PPIP5K2: variants seen among roughly 807,000 people sequenced by gnomAD.
PPIP5K2 encodes the protein inositol hexakisphosphate and diphosphoinositol-pentakisphosphate kinase 2.
A neutral mutation model predicts 154.6 loss-of-function variants in PPIP5K2; 105 were observed. That is an observed-to-expected ratio of 0.68 (90% CI 0.58 to 0.80). PPIP5K2 has a LOEUF of 0.80. Ranked by LOEUF, PPIP5K2 falls within the 30% of genes least tolerant of loss-of-function variation. The probability of loss-of-function intolerance (pLI) is 0.00; values close to 1 mark genes in which losing one functional copy is unlikely to be tolerated. For synonymous variants in PPIP5K2, 480 were observed against 490.3 expected (o/e 0.98, Z 0.28); for missense variants, 992 against 1,504.6 (o/e 0.66, Z 5.64).
At chr5:103,198,203 A>T (rs1802423231) in intron 30 of PPIP5K2, among the ~76,000 whole-genome samples, 1 of 151,952 alleles carries the variant, frequency 6.6e-6, no homozygotes, top group South Asian at 2.1e-4. Context: ...TATTGTTTTT[A>T]ATCAATTTCT....
At chr5:103,123,031 C>T (rs1369851392) in intron 1 of PPIP5K2, among the ~76,000 whole-genome samples, 3 of 152,148 alleles carry the variant, frequency 2.0e-5, no homozygotes, top group South Asian at 2.1e-4. Context: ...CAGTGGCAAA[C>T]GGGAGTTTCT....
chr5:103,147,268 T>C (rs1554209496), intron 6 of PPIP5K2, among the ~76,000 whole-genome samples: 2 of 151,866 alleles, frequency 1.3e-5, no homozygotes, highest in African/African-American at 2.4e-5. Flanking sequence ...GCAATTCAAA[T>C]TAAGAACACA....
At chr5:103,172,671 T>C (rs2149699675) in intron 19 of PPIP5K2, among the ~76,000 whole-genome samples, 1 of 151,970 alleles carries the variant, frequency 6.6e-6, no homozygotes, top group East Asian at 1.9e-4. Flanking sequence ...TTTCATGGAA[T>C]CTTTGCTCAC....
intron 2 of PPIP5K2, among the ~76,000 whole-genome samples, chr5:103,131,807 G>A (rs1176947289): frequency 2.6e-5 from 4 of 152,028 alleles, no homozygotes; most frequent in African/African-American, 9.7e-5. Context: ...TTATCTTCAT[G>A]ATTTTAAGGT....
chr5:103,197,900 T>G (rs1191966997), intron 30 of PPIP5K2, among the ~76,000 whole-genome samples: 1 of 151,776 alleles, frequency 6.6e-6, no homozygotes. Context: ...TTTTAAAAAA[T>G]TATTTTAAAT....
At chr5:103,187,454 G>A in intron 28 of PPIP5K2, 78 bp downstream of exon 28, 4 of 1,122,168 alleles carry the variant, frequency 3.6e-6, no homozygotes, top group Non-Finnish European at 3.8e-6. Flanking sequence ...AAAATGTGGG[G>A]TATACAGTAT....
At chr5:103,191,221 C>T (rs1341926346) in intron 29 of PPIP5K2, among the ~76,000 whole-genome samples, 2 of 151,748 alleles carry the variant, frequency 1.3e-5, no homozygotes, top group African/African-American at 4.8e-5. Context: ...AAACCAATAG[C>T]AGTAGAAGTC....
intron 24 of PPIP5K2, 60 bp downstream of exon 24, chr5:103,180,248 C>A: frequency 2.2e-6 from 3 of 1,362,392 alleles, no homozygotes; most frequent in South Asian, 1.7e-5. Flanking sequence ...TTTAATAAAA[C>A]AGAAAAGAAA....
intron 19 of PPIP5K2, among the ~76,000 whole-genome samples, chr5:103,171,975 G>A (rs1554219660): frequency 6.6e-6 from 1 of 151,408 alleles, no homozygotes; most frequent in South Asian, 2.1e-4. Flanking sequence ...TGGAAATCTA[G>A]ACTTTTAAAA....
intron 20 of PPIP5K2, 121 bp from the exon 21 acceptor site, chr5:103,173,737 A>T: frequency 1.4e-6 from 1 of 701,082 alleles, no homozygotes; most frequent in Non-Finnish European, 2.4e-6. Flanking sequence ...TGGAAGAATA[A>T]TAGATTTTTG....
intron 14 of PPIP5K2, among the ~76,000 whole-genome samples, 169 bp downstream of exon 14, chr5:103,156,163 A>G (rs1795380935): frequency 6.6e-6 from 1 of 152,216 alleles, no homozygotes; most frequent in Admixed American, 6.5e-5. Context: ...TAAAGGATAC[A>G]ATTTTAAAAT....
At chr5:103,174,088 T>TGTC (rs1798362983) in intron 21 of PPIP5K2, 116 bp downstream of exon 21, 1 of 791,066 alleles carries the variant, frequency 1.3e-6, no homozygotes, top group Non-Finnish European at 2.0e-6. Flanking sequence ...TACTACTTAA[T>TGTC]GTCGTCTTTC....
In PPIP5K2 at chr5:103,195,032, G is replaced by GGT. The variant is rs558887952; in HGVS notation, c.3619+16_3619+17dup. 6,185 of 1,606,668 alleles carry GGT rather than the reference G, an allele frequency of 3.8e-3. 19 individuals are homozygous for GGT. Among genetic ancestry groups the GGT allele is most frequent in the Non-Finnish European group, 4.9e-3 (5,817 of 1,177,944 alleles). ...AAAGCAAGCAGCAAACCAGGTAAGG[G>GGT]GTGTGTGTGTTGAGTTTGTGGATTT... On this transcript the variant is annotated splice_region_variant and intron_variant, in intron 30 of 30. Coordinates refer to ENST00000358359, the MANE Select transcript of PPIP5K2 (RefSeq NM_001276277.3).
At chr5:103,143,798 A>G (rs1793259892) in intron 5 of PPIP5K2, among the ~76,000 whole-genome samples, 1 of 141,526 alleles carries the variant, frequency 7.1e-6, no homozygotes, top group African/African-American at 2.5e-5. Context: ...ATGTGATAAA[A>G]GCGCTATATG....
Position 103,186,437 on chromosome 5 carries a change from A to T in PPIP5K2, c.3287A>T (p.Asp1096Val). The change falls in exon 27 of 31, where the codon GAT becomes GTT. Residue 1096 changes from aspartate to valine, a missense_variant and splice_region_variant. Asp to Val is a radical substitution (Grantham distance 152). This residue lies in a region of PPIP5K2 where 204 missense variants were observed against 224.0 expected (regional missense o/e 0.91). Transcript: ENST00000358359. ...AAGCTGACCTCTTCTGGCTGCATAG[A>T]TGGTATGTGCACACATGCACACACA... is the stretch of plus-strand genomic sequence containing the variant. The part of the protein sequence containing the change: ...RKKLTSSGCI[D>V]DATRGSAVKR... The T allele has an allele frequency of 2.5e-6, 4 of 1,613,830 alleles. No homozygotes were observed. Among genetic ancestry groups the T allele is most frequent in the Non-Finnish European group, 3.4e-6 (4 of 1,179,794 alleles).
chr5:103,201,131 C>G (rs1026282956), intron 30 of PPIP5K2, among the ~76,000 whole-genome samples: 1 of 152,164 alleles, frequency 6.6e-6, no homozygotes, highest in Non-Finnish European at 1.5e-5. Context: ...GTTTGTCTTT[C>G]TCGTCAGATA....
chr5:103,144,140 A>G (rs1456916349), intron 5 of PPIP5K2, among the ~76,000 whole-genome samples: 1 of 151,610 alleles, frequency 6.6e-6, no homozygotes, highest in Non-Finnish European at 1.5e-5. Flanking sequence ...AACAGCAAAC[A>G]ATCTGAAAAA....
rs781896679 is a variant in PPIP5K2, at chr5:103,154,686, G to C, written c.1234G>C (p.Glu412Gln). ...TTTTATAAGATTTTTTGATCTTTTT[G>C]AAAAGTGTGATGGATATAAATCAGG... The part of the protein sequence containing the change: ...VRHQKFFDLF[E>Q]KCDGYKSGKL... Residue 412 changes from glutamate (E) to glutamine (Q), a missense_variant, in exon 12 of 31, where the codon GAA becomes CAA. Around this residue, in one of 9 missense-constraint regions of PPIP5K2, gnomAD observed 163 missense variants for 285.2 expected, o/e 0.57. Transcript: ENST00000358359. 2 of 1,549,238 alleles carry C rather than the reference G, an allele frequency of 1.3e-6. No homozygotes were observed. Among genetic ancestry groups the C allele is most frequent in the Admixed American group, 3.6e-5 (2 of 54,880 alleles).
rs192314443 is a variant in PPIP5K2 at position 103,187,089 on chromosome 5, G to C, written c.3290-225G>C. 5.9e-5 allele frequency among the ~76,000 whole-genome samples: 9 copies of C among 152,178 alleles called. No homozygotes were observed. The East Asian group carries it at 1.7e-3, about 29-fold the overall frequency. On this transcript the variant is annotated intron_variant, in intron 27 of 30. Coordinates refer to ENST00000358359, the MANE Select transcript of PPIP5K2 (RefSeq NM_001276277.3). Reference sequence around the variant, plus strand: ...AAACATGGATTTACCAGAATTGCCAGCTCATCTTGCTTTTCTTTCTTTTGT... The same window carrying C: ...AAACATGGATTTACCAGAATTGCCACCTCATCTTGCTTTTCTTTCTTTTGT...
Sources: gnomAD v4.1 joint callset for allele counts (sites outside exome capture counted in the v4.1 genomes callset) on GRCh38, gnomAD v4.1.1 for gene constraint, gnomAD v4.1.1 regional missense constraint, MANE v1.5 for transcripts, NCBI Gene and HGNC (gene_info 2026-07-23, HGNC 2026-07-21) for gene names.